Variants in SMC3 observed in about 807,000 individuals in gnomAD.
SMC3 encodes structural maintenance of chromosomes 3.
A neutral mutation model predicts 171.8 loss-of-function variants in SMC3; 20 were observed. The observed-to-expected ratio is 0.12, with a 90% CI of 0.08 to 0.17. The LOEUF (loss-of-function observed/expected upper bound fraction) is 0.17. SMC3 is among the 10% of genes least tolerant of loss of function. The pLI, the probability that SMC3 is intolerant of heterozygous loss-of-function variation, is 1.00. For missense variants in SMC3, 543 were observed against 1,420.4 expected, an observed-to-expected ratio of 0.38 and a Z score of 9.93; for synonymous variants, 464 against 451.1, an observed-to-expected ratio of 1.03 and a Z score of -0.36.
intron 2 of SMC3, among the ~76,000 whole-genome samples, chr10:110,571,234 C>A (rs560954451): frequency 6.6e-6 from 1 of 152,274 alleles, no homozygotes; most frequent in African/African-American, 2.4e-5. Flanking sequence ...TGTGATTAGT[C>A]CTGGTTTCCT....
intron 18 of SMC3, among the ~76,000 whole-genome samples, chr10:110,593,856 C>T (rs1309278646): frequency 1.3e-5 from 2 of 151,096 alleles, no homozygotes; most frequent in African/African-American, 4.9e-5. Flanking sequence ...GGTGTGGTGG[C>T]GCACACCTGT....
chr10:110,568,131 TC>T, intron 1 of SMC3, among the ~76,000 whole-genome samples: 1 of 151,840 alleles, frequency 6.6e-6, no homozygotes, highest in South Asian at 2.1e-4. Flanking sequence ...GACTGGGCCT[TC>T]CTGGGTGGCC....
intron 6 of SMC3, 45 bp downstream of exon 6, chr10:110,577,959 A>G (rs762204130): frequency 3.1e-6 from 4 of 1,285,100 alleles, no homozygotes; most frequent in Non-Finnish European, 4.5e-6. Flanking sequence ...ATGTACTTAA[A>G]TAGAGATGGG....
intron 20 of SMC3, 121 bp from the exon 21 acceptor site, chr10:110,599,533 C>A (rs949729710): frequency 3.7e-6 from 3 of 806,994 alleles, no homozygotes; most frequent in African/African-American, 3.5e-5. Flanking sequence ...TTAATAGGCA[C>A]CTAATATTTG....
chr10:110,595,997 A>AG (rs201285978), intron 18 of SMC3, among the ~76,000 whole-genome samples: 2,337 of 139,452 alleles, frequency 0.017, 29 homozygotes, highest in South Asian at 0.027. Flanking sequence ...TAGATACTTA[A>AG]GAGGCTAAAG....
intron 3 of SMC3, among the ~76,000 whole-genome samples, chr10:110,573,958 C>T (rs1860911040): frequency 6.6e-6 from 1 of 152,082 alleles, no homozygotes; most frequent in Admixed American, 6.5e-5. Context: ...GGGCAAAACA[C>T]GTAGCCTCTC....
chr10:110,573,820 T>G, intron 3 of SMC3, 75 bp downstream of exon 3: 3 of 1,042,104 alleles, frequency 2.9e-6, no homozygotes, highest in Non-Finnish European at 3.0e-6. Context: ...ATCATTAATT[T>G]TCTGAGGTTA....
chr10:110,577,767 A>G, intron 5 of SMC3, 68 bp from the exon 6 acceptor site: 1 of 1,055,166 alleles, frequency 9.5e-7, no homozygotes. Context: ...GGACTTTAAA[A>G]TGACCTTATT....
intron 22 of SMC3, 121 bp from the exon 23 acceptor site, chr10:110,600,901 T>G (rs1393157467): frequency 2.7e-6 from 2 of 728,540 alleles, no homozygotes; most frequent in Non-Finnish European, 2.4e-6. Context: ...TCTAAGTATT[T>G]GTAATTATAT....
intron 13 of SMC3, among the ~76,000 whole-genome samples, chr10:110,585,115 G>C (rs1233258657): frequency 6.6e-6 from 1 of 151,648 alleles, no homozygotes; most frequent in Admixed American, 6.6e-5. Flanking sequence ...TGAGTAGCTG[G>C]GATTACAGGC....
chr10:110,600,507 C>A lies in SMC3; in HGVS notation c.2496C>A (p.Leu832=). The A allele has an allele frequency of 6.4e-7, 1 of 1,573,690 alleles. No individual in the cohort carries two copies. Among genetic ancestry groups the A allele is most frequent in the Non-Finnish European group, 8.7e-7 (1 of 1,145,164 alleles). The change falls in exon 22 of 29, where the codon CTC becomes CTA. Residue 832 remains leucine, a synonymous_variant. Coordinates refer to ENST00000361804, the MANE Select transcript of SMC3 (RefSeq NM_005445.4). The part of the protein sequence containing the change: ...EGIITRVETY[L]NENLRKRLDQ... ...TTATTACTCGAGTAGAGACTTATCT[C>A]AATGAGAATCTGAGAAAACGCTTGG...
chr10:110,593,900 A>G (rs1403069217), intron 18 of SMC3, among the ~76,000 whole-genome samples: 1 of 151,974 alleles, frequency 6.6e-6, no homozygotes, highest in Non-Finnish European at 1.5e-5. Flanking sequence ...AGGCATGAGA[A>G]TGGCTTAAAC....
chr10:110,600,998 T>C, intron 22 of SMC3, 24 bp from the exon 23 acceptor site: 1 of 1,553,670 alleles, frequency 6.4e-7, no homozygotes, highest in East Asian at 2.2e-5. Flanking sequence ...TTGAAACTAA[T>C]GGAATTTGTA....
intron 7 of SMC3, among the ~76,000 whole-genome samples, chr10:110,578,930 G>A (rs1482019122): frequency 6.6e-6 from 1 of 152,186 alleles, no homozygotes. Flanking sequence ...TTACTGAGGT[G>A]AAAGTATGGG....
chr10:110,600,273 T>G (rs79247453), intron 21 of SMC3, among the ~76,000 whole-genome samples, 166 bp from the exon 22 acceptor site: 3 of 152,180 alleles, frequency 2.0e-5, no homozygotes, highest in Non-Finnish European at 4.4e-5. Context: ...ACATTATGAA[T>G]TGATAAGAGA....
chr10:110,590,267 G>A, intron 15 of SMC3, 145 bp from the exon 16 acceptor site: 1 of 739,176 alleles, frequency 1.4e-6, no homozygotes, highest in African/African-American at 1.7e-5. Context: ...TTGGCATATT[G>A]TGAGGAGGTG....
At position 110,601,849 on chromosome 10, in the gene SMC3, G is replaced by A; in HGVS notation, c.2857G>A (p.Ala953Thr). ...IRELGSLPQE[A>T]FEKYQTLSLK... is the part of the protein sequence containing the mutation. Reference sequence around the variant, plus strand: ...AGAACTTGGATCACTTCCCCAGGAAGCATTTGAAAAGTACCAGACACTGAG... The same window carrying A: ...AGAACTTGGATCACTTCCCCAGGAAACATTTGAAAAGTACCAGACACTGAG... Residue 953 changes from alanine (A) to threonine (T), a missense_variant, in exon 24 of 29, where the codon GCA (alanine) becomes ACA (threonine). By Grantham distance (58) the Ala-to-Thr change is moderately conservative. Transcript: ENST00000361804. 1 of 1,614,008 alleles carries A rather than the reference G, an allele frequency of 6.2e-7. No homozygotes were observed. Among genetic ancestry groups the A allele is most frequent in the Non-Finnish European group, 8.5e-7 (1 of 1,179,944 alleles).
chr10:110,591,470 A>G (rs997462279), intron 17 of SMC3, among the ~76,000 whole-genome samples: 1 of 152,238 alleles, frequency 6.6e-6, no homozygotes, highest in Non-Finnish European at 1.5e-5. Context: ...CTTTGAGAGC[A>G]TATCTGGGAG....
At chr10:110,579,542 C>A (rs973859203) in intron 7 of SMC3, among the ~76,000 whole-genome samples, 1 of 152,120 alleles carries the variant, frequency 6.6e-6, no homozygotes, top group African/African-American at 2.4e-5. Flanking sequence ...GTCCCCTCAA[C>A]CCTATGTGCT....
Sources: gnomAD v4.1 joint callset for allele counts (sites outside exome capture counted in the v4.1 genomes callset) on GRCh38, gnomAD v4.1.1 for gene constraint, MANE v1.5 for transcripts, NCBI Gene and HGNC (gene_info 2026-07-23, HGNC 2026-07-21) for gene names.